HIVEP1: variants seen among roughly 807,000 people sequenced by gnomAD.
The protein encoded by HIVEP1 is HIVEP zinc finger 1, also known as zinc finger protein 40.
Under a neutral mutation model 180.0 loss-of-function variants are expected in HIVEP1, and 36 were observed. The ratio of observed to expected loss-of-function variants is 0.20; its 90% confidence interval spans 0.15 to 0.26. The LOEUF (loss-of-function observed/expected upper bound fraction) is 0.26. HIVEP1 is among the 10% of genes least tolerant of loss of function. HIVEP1 has a pLI of 1.00. For missense variants in HIVEP1, 3,143 were observed against 3,268.7 expected, an observed-to-expected ratio of 0.96 and a Z score of 0.94; for synonymous variants, 1,239 against 1,239.0, an observed-to-expected ratio of 1.00 and a Z score of 0.00.
chr6:12,026,025 A>G (rs1364890841), intron 2 of HIVEP1, among the ~76,000 whole-genome samples: 4 of 150,780 alleles, frequency 2.7e-5, no homozygotes, highest in Non-Finnish European at 5.9e-5. Context: ...GGGCAACAAG[A>G]GTGAAACCCC....
intron 2 of HIVEP1, among the ~76,000 whole-genome samples, chr6:12,040,671 A>C (rs577169775): frequency 1.3e-5 from 2 of 152,330 alleles, no homozygotes; most frequent in Middle Eastern, 3.4e-3. Context: ...TGGTCAGTGT[A>C]TTAGGCCGTT....
At position 12,129,769 on chromosome 6, in the gene HIVEP1, G is replaced by A. The variant is rs768774369; in HGVS notation, c.6086G>A (p.Gly2029Asp). The change falls in exon 5 of 9, where the codon GGT becomes GAT. Residue 2029 changes from glycine (G) to aspartate (D), a missense_variant. Gly to Asp is a moderately conservative substitution (Grantham distance 94). Coordinates refer to ENST00000379388, the MANE Select transcript of HIVEP1 (RefSeq NM_002114.4). The part of the protein sequence containing the change: ...WKSSLSKRAL[G>D]NQKSTVVEFS... Reference sequence around the variant, plus strand: ...CTTTTTTCCTTTCAGAGAGCATTAGGTAATCAAAAGTCCACAGTAGTTGAA... The same window carrying A: ...CTTTTTTCCTTTCAGAGAGCATTAGATAATCAAAAGTCCACAGTAGTTGAA... 8.1e-6 allele frequency: 13 copies of A among 1,602,576 alleles called. No homozygotes were observed. Among genetic ancestry groups the A allele is most frequent in the Non-Finnish European group, 1.0e-5 (12 of 1,169,936 alleles).
intron 3 of HIVEP1, among the ~76,000 whole-genome samples, chr6:12,117,153 G>T (rs567452044): frequency 1.3e-5 from 2 of 152,232 alleles, no homozygotes; most frequent in African/African-American, 4.8e-5. Context: ...ACCAGAAAAC[G>T]TATATGAAGA....
In HIVEP1 at chr6:12,124,371, A is replaced by G; in HGVS notation, c.4576A>G (p.Ser1526Gly). The change falls in exon 4 of 9, where the codon AGC (serine) becomes GGC (glycine). Residue 1526 changes from serine to glycine, a missense_variant. By Grantham distance (56) the Ser-to-Gly change is moderately conservative. Around this residue, in one of 12 missense-constraint regions of HIVEP1, gnomAD observed 1,357 missense variants for 1,260.5 expected, o/e 1.08. Coordinates refer to ENST00000379388, the MANE Select transcript of HIVEP1 (RefSeq NM_002114.4). ...AATCCATGCACCGCCTAGCCACCAG[A>G]GCACACAGCTATCTCTGCAAGTGTC... ...NQIHAPPSHQSTQLSLQVSTQ... is the reference protein window; with the variant it reads ...NQIHAPPSHQGTQLSLQVSTQ... The G allele has an allele frequency of 6.2e-7, 1 of 1,614,130 alleles. No individual in the cohort carries two copies. The highest frequency in any genetic ancestry group is 2.2e-5 in the East Asian group (1 of 44,882).
chr6:12,110,889 A>C (rs975219342), intron 3 of HIVEP1, among the ~76,000 whole-genome samples: 6 of 152,206 alleles, frequency 3.9e-5, no homozygotes, highest in Admixed American at 1.3e-4. Context: ...TTTGGCTTAA[A>C]GCTAGAGACA....
At chr6:12,176,542 A>G in the HIVEP1 span, among the ~76,000 whole-genome samples, 1,955 of 152,100 alleles carry the variant, frequency 0.013, 37 homozygotes, top group African/African-American at 0.045. Flanking sequence ...AGTCTTGGGT[A>G]TGTTTTTAGG....
At chr6:12,201,279 C>T in the HIVEP1 span, among the ~76,000 whole-genome samples, 106 of 152,234 alleles carry the variant, frequency 7.0e-4, no homozygotes, top group African/African-American at 2.4e-3. Context: ...GAGTTTGAGA[C>T]GAGCCTGGGC....
At chr6:12,051,587 CT>C (rs1317445907) in intron 2 of HIVEP1, among the ~76,000 whole-genome samples, 5 of 151,348 alleles carry the variant, frequency 3.3e-5, no homozygotes, top group Admixed American at 2.6e-4. Context: ...TTATTTCACC[CT>C]AATTAAATAT....
At position 12,164,507 on chromosome 6, in the gene HIVEP1, G is replaced by A; in HGVS notation, c.*46G>A. On this transcript the variant is annotated 3_prime_UTR_variant, in exon 9 of 9. Coordinates refer to ENST00000379388, the MANE Select transcript of HIVEP1 (RefSeq NM_002114.4). ...CTTTTTTTTTATATAACACTTAAAG[G>A]TTTCTTTGAAAACCCTCCTTTCCTT... 2.1e-6 allele frequency: 3 copies of A among 1,433,552 alleles called. No homozygotes were observed. Among genetic ancestry groups the A allele is most frequent in the Non-Finnish European group, 2.8e-6 (3 of 1,065,100 alleles). 88.8% of individuals were successfully genotyped at this position (1,433,552 alleles called of 1,614,324 possible).
chr6:12,113,074 G>A (rs1461863903), intron 3 of HIVEP1, among the ~76,000 whole-genome samples: 1 of 151,860 alleles, frequency 6.6e-6, no homozygotes, highest in Non-Finnish European at 1.5e-5. Flanking sequence ...CACTTCTCTG[G>A]CCTCGTCCTG....
At chr6:12,180,714 G>A in the HIVEP1 span, among the ~76,000 whole-genome samples, 2 of 152,164 alleles carry the variant, frequency 1.3e-5, no homozygotes, top group African/African-American at 2.4e-5. Context: ...ATGAGAAGAA[G>A]CCACAACTTC....
intron 6 of HIVEP1, among the ~76,000 whole-genome samples, chr6:12,135,040 C>CA (rs1167479963): frequency 6.6e-6 from 1 of 152,036 alleles, no homozygotes; most frequent in African/African-American, 2.4e-5. Flanking sequence ...CAGATACTAA[C>CA]AAAAAAATTA....
At chr6:12,090,670 A>T (rs1451342823) in intron 3 of HIVEP1, among the ~76,000 whole-genome samples, 2 of 147,930 alleles carry the variant, frequency 1.4e-5, no homozygotes, top group African/African-American at 5.0e-5. Flanking sequence ...TAAACGCATG[A>T]GGCATTTGAG....
chr6:12,208,179 T>A, the HIVEP1 span, among the ~76,000 whole-genome samples: 4 of 152,208 alleles, frequency 2.6e-5, no homozygotes, highest in Non-Finnish European at 5.9e-5. Flanking sequence ...TTGGTAGTTG[T>A]TGATTTACAT....
chr6:12,063,748 A>T lies in HIVEP1; in HGVS notation c.41-25436A>T, dbSNP rs1771386494. Among the ~76,000 whole-genome samples, 2 of 152,212 alleles carry T rather than the reference A, an allele frequency of 1.3e-5. 1 individual carries two copies. Among genetic ancestry groups the T allele is most frequent in the South Asian group, 4.1e-4 (2 of 4,832 alleles). On this transcript the variant is annotated intron_variant, in intron 2 of 8. Coordinates refer to ENST00000379388, the MANE Select transcript of HIVEP1 (RefSeq NM_002114.4). This position sits in a 1 kb window ranked among gnomAD's most constrained non-coding sequence, Gnocchi z 4.2. The stretch of plus-strand genomic sequence containing the variant: ...ACAGTGAAGGTTTTGAGAGGTGGTC[A>T]CTGGGCAGTCTGCAAGACTGACTCT...
intron 3 of HIVEP1, among the ~76,000 whole-genome samples, chr6:12,106,395 C>T (rs774542938): frequency 2.8e-4 from 43 of 151,842 alleles, no homozygotes; most frequent in Non-Finnish European, 5.4e-4. Flanking sequence ...ATTATGTAAG[C>T]CACTTTTAAA....
intron 2 of HIVEP1, among the ~76,000 whole-genome samples, chr6:12,049,918 A>G (rs986183489): frequency 6.6e-6 from 1 of 152,204 alleles, no homozygotes; most frequent in Admixed American, 6.5e-5. Flanking sequence ...TAAAATGAAG[A>G]TGAAAAATTA....
intron 2 of HIVEP1, among the ~76,000 whole-genome samples, chr6:12,023,137 C>T (rs982184001): frequency 6.6e-6 from 1 of 152,186 alleles, no homozygotes; most frequent in African/African-American, 2.4e-5. Flanking sequence ...CTGTCCCCTC[C>T]TCCGCTTCTG....
rs775983465 is a variant in HIVEP1, at chr6:12,120,213, C to T, written c.418C>T (p.Pro140Ser). 2 of 1,614,188 alleles carry T rather than the reference C, an allele frequency of 1.2e-6. No individual in the cohort carries two copies. Among genetic ancestry groups the T allele is most frequent in the East Asian group, 2.2e-5 (1 of 44,880 alleles). Reference protein sequence around the residue: ...SPKKPLFLQQPSELRRWRSEG... With the variant: ...SPKKPLFLQQSSELRRWRSEG... ...AAAGAAGCCCTTGTTTCTGCAGCAACCATCTGAACTGCGTAGATGGAGATC... is the reference window on the plus strand; with the variant it reads ...AAAGAAGCCCTTGTTTCTGCAGCAATCATCTGAACTGCGTAGATGGAGATC... The change falls in exon 4 of 9, where the codon CCA (proline) becomes TCA (serine). Residue 140 changes from proline (P) to serine (S), a missense_variant. By Grantham distance (74) the Pro-to-Ser change is moderately conservative. Around this residue, in one of 12 missense-constraint regions of HIVEP1, gnomAD observed 306 missense variants for 310.6 expected, o/e 0.99. Coordinates refer to ENST00000379388, the MANE Select transcript of HIVEP1 (RefSeq NM_002114.4).
Sources: allele counts gnomAD v4.1 joint callset (sites outside exome capture counted in the v4.1 genomes callset), GRCh38; gene constraint gnomAD v4.1.1; regional missense constraint gnomAD v4.1.1; non-coding constraint Gnocchi (gnomAD v3.1); transcripts MANE v1.5; gene names NCBI Gene and HGNC (gene_info 2026-07-23, HGNC 2026-07-21).